Variants in XXYLT1 observed in about 807,000 individuals in gnomAD.
The protein encoded by XXYLT1 is xyloside xylosyltransferase 1.
A neutral mutation model predicts 28.9 loss-of-function variants in XXYLT1; 20 were observed. The ratio of observed to expected loss-of-function variants is 0.69; its 90% CI spans 0.49 to 1.00. XXYLT1 has a LOEUF of 1.00. Ranked by LOEUF, XXYLT1 falls within the 50% of genes least tolerant of loss-of-function variation. The probability of loss-of-function intolerance (pLI) is 0.00; values close to 1 mark genes in which losing one functional copy is unlikely to be tolerated. For missense variants in XXYLT1, 542 were observed against 560.1 expected (o/e 0.97, Z 0.33); for synonymous variants, 257 against 253.8 (o/e 1.01, Z -0.12).
chr3:195,082,359 T>C (rs1418090413), intron 3 of XXYLT1, among the ~76,000 whole-genome samples: 5 of 152,322 alleles, frequency 3.3e-5, no homozygotes, highest in African/African-American at 1.2e-4. Flanking sequence ...GTGGTCTTCC[T>C]GGAGGGCTGC....
intron 2 of XXYLT1, among the ~76,000 whole-genome samples, chr3:195,171,381 T>C (rs1362814244): frequency 1.3e-5 from 2 of 152,232 alleles, no homozygotes; most frequent in Non-Finnish European, 2.9e-5. Context: ...CAGTCAGTGC[T>C]ATTTTTACCC....
intron 3 of XXYLT1, among the ~76,000 whole-genome samples, chr3:195,107,902 C>G (rs1289951329): frequency 6.6e-6 from 1 of 151,998 alleles, no homozygotes; most frequent in Non-Finnish European, 1.5e-5. Context: ...ACAGTGGGGC[C>G]CTTCTTCCAG....
At chr3:195,141,513 T>C (rs6437460) in intron 3 of XXYLT1, among the ~76,000 whole-genome samples, 24,694 of 152,110 alleles carry the variant, frequency 0.16, 2,587 homozygotes, top group African/African-American at 0.29. Flanking sequence ...ACGTATAAAC[T>C]CAAGGCTTTG....
At chr3:195,110,488 GTGTA>G (rs1717574866) in intron 3 of XXYLT1, among the ~76,000 whole-genome samples, 1 of 146,278 alleles carries the variant, frequency 6.8e-6, no homozygotes, top group African/African-American at 2.5e-5. Context: ...TGTGTATGTG[GTGTA>G]TGTGTGCATG....
At chr3:195,093,996 T>TCAGCTGCTCCCCTCGGGGACAGTGG (rs1401023969) in intron 3 of XXYLT1, 2 of 153,940 alleles carry the variant, frequency 1.3e-5, no homozygotes, top group African/African-American at 4.8e-5. Flanking sequence ...GGGGAGAGTG[T>TCAGCTGCTCCCCTCGGGGACAGTGG]CAGCTGCTCC....
In XXYLT1 at chr3:195,162,846, T is replaced by C. The variant is rs142683841; in HGVS notation, c.653-6265A>G. 2.0e-5 allele frequency among the ~76,000 whole-genome samples: 3 copies of C among 152,356 alleles called. 1 individual carries two copies. Among genetic ancestry groups the C allele is most frequent in the African/African-American group, 4.8e-5 (2 of 41,590 alleles). The stretch of plus-strand genomic sequence containing the variant: ...CGCTTCTATTGCCAATATGAAGTGA[T>C]GGCTTACGCACGGATTGATGTAGTT... On this transcript the variant is annotated intron_variant, in intron 2 of 3. Transcript: ENST00000310380.
At chr3:195,215,976 C>T (rs1723554770) in intron 2 of XXYLT1, among the ~76,000 whole-genome samples, 1 of 151,764 alleles carries the variant, frequency 6.6e-6, no homozygotes, top group South Asian at 2.1e-4. Flanking sequence ...AACTATCTCT[C>T]AGACCACAGT....
Position 195,180,245 on chromosome 3 carries a change from G to A in XXYLT1, c.653-23664C>T, listed in dbSNP as rs533373047. On this transcript the variant is annotated intron_variant, in intron 2 of 3. Coordinates refer to ENST00000310380, the MANE Select transcript of XXYLT1 (RefSeq NM_152531.5). This position sits in a 1 kb window ranked among gnomAD's most constrained non-coding sequence, Gnocchi z 5.8. ...AGATCCCCGTCTCTGCACTGACACCGGGGGTGGTGAGTGGCACACTCGGTC... is the reference window on the plus strand; with the variant it reads ...AGATCCCCGTCTCTGCACTGACACCAGGGGTGGTGAGTGGCACACTCGGTC... The A allele has an allele frequency of 2.8e-5, 25 of 888,828 alleles. No individual in the cohort carries two copies. Among genetic ancestry groups the A allele is most frequent in the Admixed American group, 1.9e-4 (3 of 16,168 alleles). The allele number at this position is 888,828 out of a possible 1,614,324, so 55.1% of individuals were successfully genotyped here.
At chr3:195,165,230 G>A (rs7628680) in intron 2 of XXYLT1, among the ~76,000 whole-genome samples, 6,292 of 152,186 alleles carry the variant, frequency 0.041, 452 homozygotes, top group African/African-American at 0.14. Context: ...TTCTTCTCCA[G>A]GTGGTGCTCT....
In XXYLT1 at chr3:195,271,100, A is replaced by G; in HGVS notation, c.-42T>C. ...GCGCCAGCGGTGCCAGCAACGCGGG[A>G]GAGCCCTCGGGTACCCGGACGCCGG... On this transcript the variant is annotated 5_prime_UTR_variant, in exon 1 of 4. Coordinates refer to ENST00000310380, the MANE Select transcript of XXYLT1 (RefSeq NM_152531.5). The G allele has an allele frequency of 7.7e-7, 1 of 1,302,324 alleles. No individual in the cohort carries two copies. Among genetic ancestry groups the G allele is most frequent in the Non-Finnish European group, 9.7e-7 (1 of 1,028,662 alleles). 80.7% of individuals were successfully genotyped at this position (1,302,324 alleles called of 1,614,324 possible).
chr3:195,175,821 G>A (rs749941970), intron 2 of XXYLT1: 67 of 1,416,236 alleles, frequency 4.7e-5, no homozygotes, highest in East Asian at 3.5e-4. Flanking sequence ...AAGTGGCCTC[G>A]ATTCCCGAGT....
chr3:195,220,089 G>T (rs372533508), intron 2 of XXYLT1, among the ~76,000 whole-genome samples: 3 of 152,246 alleles, frequency 2.0e-5, no homozygotes, highest in South Asian at 2.1e-4. Context: ...TGGGAGCTGG[G>T]GGGAGGGGAG....
In XXYLT1 at chr3:195,150,866, A is replaced by C; in HGVS notation, c.785+5583T>G. On this transcript the variant is annotated intron_variant, in intron 3 of 3. Coordinates refer to ENST00000310380, the MANE Select transcript of XXYLT1 (RefSeq NM_152531.5). The surrounding 1 kb of genome is among the most constrained non-coding windows in gnomAD (Gnocchi z 4.7). ...CTCTCACACACTCTCACACACACAC[A>C]CACTCTCTCCCTCTCCCTCTCCCTC... Among the ~76,000 whole-genome samples, 1 of 86,982 alleles carries C rather than the reference A, an allele frequency of 1.1e-5. No homozygotes were observed. Among genetic ancestry groups the C allele is most frequent in the African/African-American group, 5.6e-5 (1 of 17,722 alleles). The allele number at this position is 86,982 out of a possible 152,430, so 57.1% of individuals were successfully genotyped here. A position where few individuals can be genotyped will look rare whatever the true frequency, so the allele number is the denominator to read the frequency against.
chr3:195,161,465 C>T (rs1720866254), intron 2 of XXYLT1, among the ~76,000 whole-genome samples: 1 of 152,040 alleles, frequency 6.6e-6, no homozygotes, highest in Non-Finnish European at 1.5e-5. Context: ...ATGGACAGAA[C>T]CCCCAACCAT....
At chr3:195,188,326 G>A (rs1204112159) in intron 2 of XXYLT1, among the ~76,000 whole-genome samples, 1 of 152,190 alleles carries the variant, frequency 6.6e-6, no homozygotes, top group East Asian at 1.9e-4. Context: ...AACAGGTCTG[G>A]AGTGGGAACA....
intron 2 of XXYLT1, among the ~76,000 whole-genome samples, chr3:195,214,555 G>A (rs1291066602): frequency 2.0e-5 from 3 of 152,172 alleles, no homozygotes; most frequent in African/African-American, 7.2e-5. Context: ...CTCAGAGGCT[G>A]GAAAACCATC....
Position 195,069,813 on chromosome 3 carries a change from C to T in XXYLT1, c.1084G>A (p.Asp362Asn). 2 of 1,614,184 alleles carry T rather than the reference C, an allele frequency of 1.2e-6. No individual in the cohort carries two copies. The highest frequency in any genetic ancestry group is 1.7e-6 in the Non-Finnish European group (2 of 1,180,028). Residue 362 changes from aspartate to asparagine, a missense_variant, in exon 4 of 4, where the codon GAC becomes AAC. Coordinates refer to ENST00000310380, the MANE Select transcript of XXYLT1 (RefSeq NM_152531.5). ...TCGAAGACGTCACTGTAGCCATGGT[C>T]CCTCCACCAGGTGCACAGCTGCCGG... ...WNRQLCTWWR[D>N]HGYSDVFEAY...
At chr3:195,149,095 C>T (rs1216932687) in intron 3 of XXYLT1, among the ~76,000 whole-genome samples, 4 of 151,954 alleles carry the variant, frequency 2.6e-5, no homozygotes, top group Non-Finnish European at 4.4e-5. Flanking sequence ...AAAAATCATA[C>T]CAAGAGACCA....
At chr3:195,098,325 G>A (rs989934664) in intron 3 of XXYLT1, among the ~76,000 whole-genome samples, 12 of 152,176 alleles carry the variant, frequency 7.9e-5, no homozygotes, top group Admixed American at 3.3e-4. Context: ...AGGCTGAGGC[G>A]GGTGGATCAC....
Sources: allele counts gnomAD v4.1 joint callset (sites outside exome capture counted in the v4.1 genomes callset), GRCh38; gene constraint gnomAD v4.1.1; non-coding constraint Gnocchi (gnomAD v3.1); transcripts MANE v1.5; gene names NCBI Gene and HGNC (gene_info 2026-07-23, HGNC 2026-07-21).